Variants in FAT4 observed in about 807,000 individuals in gnomAD.
The protein encoded by FAT4 is protocadherin Fat 4.
FAT4 carries 84 observed loss-of-function variants against 303.9 expected under a neutral mutation model. That is an observed-to-expected ratio of 0.28 (90% CI 0.23 to 0.33). The LOEUF (loss-of-function observed/expected upper bound fraction) is 0.33. Ranked by LOEUF, FAT4 falls within the 10% of genes least tolerant of loss-of-function variation. The probability of loss-of-function intolerance (pLI) is 1.00; values close to 1 mark genes in which losing one functional copy is unlikely to be tolerated. For missense variants in FAT4, 6,005 were observed against 6,146.8 expected (o/e 0.98, Z 0.77); for synonymous variants, 2,307 against 2,298.8 (o/e 1.00, Z -0.10).
At chr4:125,440,453 T>C (rs1725613857) in intron 8 of FAT4, among the ~76,000 whole-genome samples, 1 of 152,098 alleles carries the variant, frequency 6.6e-6, no homozygotes, top group Non-Finnish European at 1.5e-5. Context: ...TTTTTCCTGC[T>C]CAATGTCTAT....
rs200064090 is a variant in FAT4, at chr4:125,319,031, A to G, written c.2620A>G (p.Thr874Ala). The G allele has an allele frequency of 4.6e-5, 74 of 1,614,072 alleles. No homozygotes were observed. Among genetic ancestry groups the G allele is most frequent in the Non-Finnish European group, 6.0e-5 (71 of 1,180,034 alleles). ...LKVVASGGTV[T>A]GDTMVNITVK... ...GGTAGTGGCCAGTGGGGGCACAGTG[A>G]CTGGAGACACTATGGTTAACATAAC... The change falls in exon 2 of 18, where the codon ACT becomes GCT. Residue 874 changes from threonine (T) to alanine (A), a missense_variant. Thr to Ala is a moderately conservative substitution (Grantham distance 58). Coordinates refer to ENST00000394329, the MANE Select transcript of FAT4 (RefSeq NM_001291303.3).
chr4:125,422,034 C>A (rs1221299078), intron 7 of FAT4, among the ~76,000 whole-genome samples: 1 of 151,798 alleles, frequency 6.6e-6, no homozygotes, highest in African/African-American at 2.4e-5. Context: ...ATAAATGAAA[C>A]ATTCAACTGC....
intron 7 of FAT4, among the ~76,000 whole-genome samples, chr4:125,429,338 T>G (rs1378165623): frequency 6.6e-6 from 1 of 152,198 alleles, no homozygotes; most frequent in Non-Finnish European, 1.5e-5. Context: ...TGGGCTAATA[T>G]AAAAATTAAT....
chr4:125,466,218 C>A (rs115565030), intron 11 of FAT4, among the ~76,000 whole-genome samples: 1 of 151,900 alleles, frequency 6.6e-6, no homozygotes, highest in Non-Finnish European at 1.5e-5. Flanking sequence ...AATTAAGATG[C>A]GACCTTTCTG....
intron 2 of FAT4, among the ~76,000 whole-genome samples, chr4:125,392,411 G>GGC (rs2126007835): frequency 1.3e-5 from 2 of 150,228 alleles, no homozygotes; most frequent in East Asian, 4.1e-4. Flanking sequence ...TGATGCATCA[G>GGC]GTGTTACTAT....
At chr4:125,418,052 A>G (rs1247012518) in intron 7 of FAT4, among the ~76,000 whole-genome samples, 1 of 152,180 alleles carries the variant, frequency 6.6e-6, no homozygotes, top group African/African-American at 2.4e-5. Context: ...CAAGAATGAG[A>G]TCTTTGACAG....
intron 2 of FAT4, among the ~76,000 whole-genome samples, chr4:125,323,845 T>C (rs1731048706): frequency 6.6e-6 from 1 of 152,196 alleles, no homozygotes; most frequent in Non-Finnish European, 1.5e-5. Flanking sequence ...AAAAAATTAT[T>C]CATGTACACT....
intron 14 of FAT4, 55 bp from the exon 15 acceptor site, chr4:125,479,686 C>A (rs1727153850): frequency 1.4e-6 from 2 of 1,444,748 alleles, no homozygotes; most frequent in South Asian, 1.6e-5. Flanking sequence ...TGAGTTTTAG[C>A]AAACTTCTCC....
rs1332280384 is a variant in FAT4, at chr4:125,318,215, C to A, written c.1804C>A (p.Leu602Met). The change falls in exon 2 of 18, where the codon CTG becomes ATG. Residue 602 changes from leucine to methionine, a missense_variant. By Grantham distance (15) the Leu-to-Met change is conservative. Coordinates refer to ENST00000394329, the MANE Select transcript of FAT4 (RefSeq NM_001291303.3). ...TGAGAATGCCCCAACAGGGACAGAACTGTTGATGCTCAGGGCAACTGACGG... is the reference window on the plus strand; with the variant it reads ...TGAGAATGCCCCAACAGGGACAGAAATGTTGATGCTCAGGGCAACTGACGG... ...VVENAPTGTELLMLRATDGDL... is the reference protein window; with the variant it reads ...VVENAPTGTEMLMLRATDGDL... 1 of 1,614,094 alleles carries A rather than the reference C, an allele frequency of 6.2e-7. No individual in the cohort carries two copies. Among genetic ancestry groups the A allele is most frequent in the African/African-American group, 1.3e-5 (1 of 74,942 alleles).
intron 8 of FAT4, among the ~76,000 whole-genome samples, chr4:125,441,557 A>T (rs1047193377): frequency 1.3e-5 from 2 of 152,238 alleles, no homozygotes; most frequent in African/African-American, 4.8e-5. Context: ...GTTATATTTC[A>T]TAATTATTTC....
chr4:125,472,357 G>A (rs980234968), intron 12 of FAT4, among the ~76,000 whole-genome samples: 2 of 152,054 alleles, frequency 1.3e-5, no homozygotes, highest in Non-Finnish European at 2.9e-5. Context: ...GCCACTAAAT[G>A]TATGGAATAT....
rs1165603477 is a variant in FAT4 at position 125,315,236 on chromosome 4, G to A, written c.-754G>A. On this transcript the variant is annotated 5_prime_UTR_variant, in exon 1 of 18. Coordinates refer to ENST00000394329, the MANE Select transcript of FAT4 (RefSeq NM_001291303.3). ...GGAGAGCGCTGACAGGCGCCGTCCGGAGCTGCGGAGGGCGTCACTACAGCC... is the reference window on the plus strand; with the variant it reads ...GGAGAGCGCTGACAGGCGCCGTCCGAAGCTGCGGAGGGCGTCACTACAGCC... Among the ~76,000 whole-genome samples, 5 of 152,126 alleles carry A rather than the reference G, an allele frequency of 3.3e-5. No homozygotes were observed. Among genetic ancestry groups the A allele is most frequent in the Non-Finnish European group, 7.4e-5 (5 of 68,014 alleles).
At chr4:125,339,358 G>A (rs958069606) in intron 2 of FAT4, among the ~76,000 whole-genome samples, 1 of 151,880 alleles carries the variant, frequency 6.6e-6, no homozygotes, top group African/African-American at 2.4e-5. Flanking sequence ...ACCACGCCTG[G>A]CTAATTTTTT....
chr4:125,363,600 A>T (rs1732754367), intron 2 of FAT4, among the ~76,000 whole-genome samples: 1 of 151,800 alleles, frequency 6.6e-6, no homozygotes, highest in Non-Finnish European at 1.5e-5. Flanking sequence ...GGTTCAAGCG[A>T]TTCCCCTGCC....
chr4:125,318,370 C>G lies in FAT4; in HGVS notation c.1959C>G (p.Ala653=). 1 of 1,614,186 alleles carries G rather than the reference C, an allele frequency of 6.2e-7. No homozygotes were observed. The highest frequency in any genetic ancestry group is 1.1e-5 in the South Asian group (1 of 91,076). ...CCTCCTTGGACAGAGAAGAGCAAGC[C>G]TTCTACTCCCTGTTGGTTCTGGCCA... ...TISSLDREEQ[A]FYSLLVLATD... Residue 653 remains alanine (A), a synonymous_variant, in exon 2 of 18, where the codon GCC becomes GCG. Transcript: ENST00000394329.
chr4:125,395,652 A>C (rs1734142551), intron 2 of FAT4, among the ~76,000 whole-genome samples: 1 of 152,084 alleles, frequency 6.6e-6, no homozygotes, highest in African/African-American at 2.4e-5. Context: ...GATGACACTA[A>C]TTTTGGGAAA....
At chr4:125,454,497 T>C (rs1052482771) in intron 10 of FAT4, among the ~76,000 whole-genome samples, 8 of 152,074 alleles carry the variant, frequency 5.3e-5, no homozygotes, top group Non-Finnish European at 7.3e-5. Flanking sequence ...TAATCATAAG[T>C]ACTTTCAGGG....
chr4:125,481,253 G>A (rs1361547749), intron 15 of FAT4, among the ~76,000 whole-genome samples: 1 of 152,118 alleles, frequency 6.6e-6, no homozygotes, highest in Non-Finnish European at 1.5e-5. Context: ...TACGTAATGT[G>A]GCAAATAGTT....
intron 10 of FAT4, among the ~76,000 whole-genome samples, chr4:125,459,884 A>G (rs1726423554): frequency 1.3e-5 from 2 of 152,080 alleles, no homozygotes; most frequent in Non-Finnish European, 2.9e-5. Context: ...TATTAACACT[A>G]CAATTTAAGT....
Sources: allele counts gnomAD v4.1 joint callset (sites outside exome capture counted in the v4.1 genomes callset), GRCh38; gene constraint gnomAD v4.1.1; transcripts MANE v1.5; gene names NCBI Gene and HGNC (gene_info 2026-07-23, HGNC 2026-07-21).